BICRAL: variants seen among roughly 807,000 people sequenced by gnomAD.
BICRAL encodes BRD4-interacting chromatin-remodeling complex-associated protein-like.
Under a neutral mutation model 91.8 loss-of-function variants are expected in BICRAL, and 8 were observed. The ratio of observed to expected loss-of-function variants is 0.09; its 90% CI spans 0.05 to 0.16. BICRAL has a LOEUF of 0.16. BICRAL is among the 10% of genes least tolerant of loss of function. The pLI, the probability that BICRAL is intolerant of heterozygous loss-of-function variation, is 1.00. For synonymous variants in BICRAL, 445 were observed against 491.1 expected (o/e 0.91, Z 1.24); for missense variants, 1,038 against 1,310.9 (o/e 0.79, Z 3.21).
In BICRAL at chr6:42,866,572, G is replaced by A; in HGVS notation, c.*1126G>A. 3.2e-6 allele frequency: 1 copy of A among 312,412 alleles called. No individual in the cohort carries two copies. The highest frequency in any genetic ancestry group is 2.8e-5 in the South Asian group (1 of 35,916). 19.4% of individuals were successfully genotyped at this position (312,412 alleles called of 1,614,324 possible). On this transcript the variant is annotated 3_prime_UTR_variant, in exon 13 of 13. Transcript: ENST00000314073. ...TGTTTATGCTTCTTGTCTGAGAACA[G>A]TAGTGACCCCTGGCAGCAATTCATT...
intron 11 of BICRAL, 74 bp downstream of exon 11, chr6:42,860,430 T>C (rs1043302674): frequency 3.0e-5 from 25 of 836,942 alleles, no homozygotes; most frequent in Non-Finnish European, 4.4e-5. Context: ...GACAGAAAGG[T>C]CAAGGAATTA....
intron 5 of BICRAL, among the ~76,000 whole-genome samples, chr6:42,825,965 C>A (rs1363104679): frequency 1.3e-5 from 2 of 151,788 alleles, no homozygotes; most frequent in Admixed American, 1.3e-4. Context: ...CACCTGTAAT[C>A]CCAGCTACTT....
chr6:42,797,987 A>G (rs1309261799), intron 1 of BICRAL, among the ~76,000 whole-genome samples: 1 of 152,170 alleles, frequency 6.6e-6, no homozygotes, highest in East Asian at 1.9e-4. Context: ...AAAATAAATA[A>G]ATAAAATGGT....
chr6:42,860,752 G>A (rs1375458475), intron 11 of BICRAL, among the ~76,000 whole-genome samples: 1 of 152,232 alleles, frequency 6.6e-6, no homozygotes. Flanking sequence ...AGGCACATCT[G>A]AACAGATAAG....
intron 1 of BICRAL, among the ~76,000 whole-genome samples, chr6:42,758,883 G>T (rs535349992): frequency 6.6e-6 from 1 of 152,296 alleles, no homozygotes; most frequent in African/African-American, 2.4e-5. Context: ...AGACCAAAAA[G>T]TCTCTGCCTT....
chr6:42,824,854 G>T (rs953254044), intron 5 of BICRAL, among the ~76,000 whole-genome samples: 1 of 152,186 alleles, frequency 6.6e-6, no homozygotes, highest in African/African-American at 2.4e-5. Flanking sequence ...CAGACATGGT[G>T]GCCCATGCCT....
Position 42,756,263 on chromosome 6 carries a change from C to T in BICRAL, c.-261+9240C>T, listed in dbSNP as rs115341516. Among the ~76,000 whole-genome samples the T allele has an allele frequency of 3.2e-3, 494 of 152,274 alleles. 2 individuals are homozygous for T. Among genetic ancestry groups the T allele is most frequent in the African/African-American group, 0.011 (460 of 41,558 alleles). On this transcript the variant is annotated intron_variant, in intron 1 of 14. Coordinates refer to the BICRAL transcript ENST00000614467. ...ATTCCTTCCTAATTTTCAAATGCAT[C>T]GCTCTTTGTAGCCCTAAGTATTTGA... is the stretch of plus-strand genomic sequence containing the variant.
chr6:42,825,489 C>A (rs552348234), intron 5 of BICRAL, among the ~76,000 whole-genome samples: 2 of 148,008 alleles, frequency 1.4e-5, no homozygotes, highest in East Asian at 2.0e-4. Context: ...GGCTTGAACC[C>A]GGGAGGTGGA....
Position 42,865,958 on chromosome 6 carries a change from G to A in BICRAL, c.*512G>A, listed in dbSNP as rs1207113860. On this transcript the variant is annotated 3_prime_UTR_variant, in exon 13 of 13. Coordinates refer to ENST00000314073, the MANE Select transcript of BICRAL (RefSeq NM_001393499.1). ...TGAGTTTTTTTGTGTGTGTTTTGTTGTTATTGTTGAGGGGAAGACCACATG... is the reference window on the plus strand; with the variant it reads ...TGAGTTTTTTTGTGTGTGTTTTGTTATTATTGTTGAGGGGAAGACCACATG... 2.6e-5 allele frequency: 4 copies of A among 152,696 alleles called. No homozygotes were observed. Among genetic ancestry groups the A allele is most frequent in the Non-Finnish European group, 5.8e-5 (4 of 68,496 alleles). The allele number at this position is 152,696 out of a possible 1,614,324, so 9.5% of individuals were successfully genotyped here.
At chr6:42,832,623 G>C (rs1172732577) in intron 6 of BICRAL, among the ~76,000 whole-genome samples, 1 of 149,352 alleles carries the variant, frequency 6.7e-6, no homozygotes, top group African/African-American at 2.5e-5. Context: ...AATAACATCA[G>C]ACTTACAGAA....
rs571294967 is a variant in BICRAL at position 42,845,302 on chromosome 6, C to T, written c.1840-6790C>T. ...GGAGTGCAATGGTGCGATCTCGGCT[C>T]ACTGTAACCTCCGACTCCCGGGTTC... On this transcript the variant is annotated intron_variant, in intron 6 of 12. Transcript: ENST00000314073. 6.1e-5 allele frequency among the ~76,000 whole-genome samples: 8 copies of T among 132,086 alleles called. No homozygotes were observed. In the East Asian group the frequency reaches 7.4e-4, roughly 12 times the overall value. 86.7% of individuals were successfully genotyped at this position (132,086 alleles called of 152,430 possible).
At chr6:42,814,479 ATGTGTGTGTG>A (rs35473219) in intron 2 of BICRAL, among the ~76,000 whole-genome samples, 1 of 79,040 alleles carries the variant, frequency 1.3e-5, no homozygotes, top group Non-Finnish European at 2.2e-5. Flanking sequence ...ATATACATGC[ATGTGTGTGTG>A]TGTGTGTGTG....
At chr6:42,856,330 A>G (rs1261967495) in intron 9 of BICRAL, among the ~76,000 whole-genome samples, 1 of 136,024 alleles carries the variant, frequency 7.4e-6, no homozygotes, top group Non-Finnish European at 1.6e-5. Context: ...ATATATACAT[A>G]TATACTTTGA....
chr6:42,843,829 C>G (rs1465687515), intron 6 of BICRAL, among the ~76,000 whole-genome samples: 5 of 138,924 alleles, frequency 3.6e-5, no homozygotes, highest in Admixed American at 3.1e-4. Context: ...GAGACGGAGT[C>G]TCACTCTGTC....
chr6:42,798,890 A>G (rs1310814295), intron 1 of BICRAL, among the ~76,000 whole-genome samples: 1 of 152,186 alleles, frequency 6.6e-6, no homozygotes, highest in Non-Finnish European at 1.5e-5. Flanking sequence ...TACAATGTAA[A>G]TGCTATGTAA....
At chr6:42,860,429 G>T (rs1765520354) in intron 11 of BICRAL, 73 bp downstream of exon 11, 1 of 840,956 alleles carries the variant, frequency 1.2e-6, no homozygotes, top group Non-Finnish European at 2.0e-6. Flanking sequence ...AGACAGAAAG[G>T]TCAAGGAATT....
At chr6:42,754,012 A>G (rs917163831) in intron 1 of BICRAL, among the ~76,000 whole-genome samples, 1 of 138,770 alleles carries the variant, frequency 7.2e-6, no homozygotes, top group African/African-American at 2.7e-5. Flanking sequence ...GATTACAGGC[A>G]TGAGCCACTA....
chr6:42,805,561 T>C (rs370951574), intron 1 of BICRAL, among the ~76,000 whole-genome samples: 1 of 152,090 alleles, frequency 6.6e-6, no homozygotes, highest in East Asian at 1.9e-4. Flanking sequence ...TTAGAAAGGG[T>C]GCTAAGTTCA....
Position 42,829,794 on chromosome 6 carries a change from C to T in BICRAL, c.1461C>T (p.Ala487=). ...CTGCCTCTGGAAGTCCAGTGATAGC[C>T]AATCATGCCTCTCCTCAGCTTGTGG... ...TFAASGSPVI[A]NHASPQLVGG... Residue 487 remains alanine (A), a synonymous_variant, in exon 6 of 13, where the codon GCC becomes GCT. Coordinates refer to ENST00000314073, the MANE Select transcript of BICRAL (RefSeq NM_001393499.1). The T allele has an allele frequency of 6.2e-7, 1 of 1,614,210 alleles. No individual in the cohort carries two copies. Among genetic ancestry groups the T allele is most frequent in the South Asian group, 1.1e-5 (1 of 91,090 alleles).
Sources: gnomAD v4.1 joint callset for allele counts (sites outside exome capture counted in the v4.1 genomes callset) on GRCh38, gnomAD v4.1.1 for gene constraint, MANE v1.5 for transcripts, NCBI Gene and HGNC (gene_info 2026-07-23, HGNC 2026-07-21) for gene names.